The following TCF7L2 variants were observed in gnomAD, a reference collection of about 807,000 sequenced individuals.
TCF7L2 encodes the protein transcription factor 7 like 2.
A neutral mutation model predicts 77.9 loss-of-function variants in TCF7L2; 23 were observed. The ratio of observed to expected loss-of-function variants is 0.30; its 90% CI spans 0.21 to 0.42. TCF7L2 has a LOEUF of 0.42. TCF7L2 is among the 10% of genes least tolerant of loss of function. The probability of loss-of-function intolerance (pLI) is 1.00; values close to 1 mark genes in which losing one functional copy is unlikely to be tolerated. For missense variants in TCF7L2, 654 were observed against 793.1 expected (o/e 0.82, Z 2.11); for synonymous variants, 413 against 340.2 (o/e 1.21, Z -2.36).
intron 5 of TCF7L2, among the ~76,000 whole-genome samples, chr10:113,045,248 G>T (rs770441431): frequency 2.6e-5 from 4 of 152,144 alleles, no homozygotes; most frequent in Admixed American, 2.0e-4. Flanking sequence ...AGACTGTAGC[G>T]CTTCCTATGC....
chr10:113,144,064 A>T (rs2136933702), intron 7 of TCF7L2, 39 bp downstream of exon 7: 7 of 1,498,806 alleles, frequency 4.7e-6, no homozygotes, highest in Non-Finnish European at 4.6e-6. Context: ...TTTGTTTCTT[A>T]CATGGGCATG....
intron 5 of TCF7L2, among the ~76,000 whole-genome samples, chr10:113,076,135 C>CAAAAA (rs34089010): frequency 1.4e-4 from 9 of 65,938 alleles, no homozygotes; most frequent in Non-Finnish European, 1.7e-4. Flanking sequence ...GACTCCATCT[C>CAAAAA]AAAAAAAAAA....
chr10:113,001,509 AT>A (rs541802706), intron 4 of TCF7L2, among the ~76,000 whole-genome samples: 163 of 146,234 alleles, frequency 1.1e-3, no homozygotes, highest in Middle Eastern at 3.6e-3. Flanking sequence ...CATTAAGTGG[AT>A]TTTTTTTTTT....
At chr10:113,082,355 C>T (rs2059398603) in intron 5 of TCF7L2, among the ~76,000 whole-genome samples, 1 of 147,806 alleles carries the variant, frequency 6.8e-6, no homozygotes, top group Non-Finnish European at 1.5e-5. Flanking sequence ...TTATCTTTAC[C>T]CATTTTTCCC....
At chr10:112,993,035 T>A (rs1008336993) in intron 4 of TCF7L2, among the ~76,000 whole-genome samples, 1 of 152,030 alleles carries the variant, frequency 6.6e-6, no homozygotes, top group African/African-American at 2.4e-5. Flanking sequence ...AGTGCTGGGA[T>A]CACAGGCGTG....
At chr10:112,966,413 A>G (rs1185131473) in intron 4 of TCF7L2, among the ~76,000 whole-genome samples, 1 of 151,748 alleles carries the variant, frequency 6.6e-6, no homozygotes, top group Non-Finnish European at 1.5e-5. Context: ...ACAGCATAGT[A>G]AGTCTTGCTC....
At chr10:113,059,034 G>A (rs926362310) in intron 5 of TCF7L2, among the ~76,000 whole-genome samples, 1 of 152,148 alleles carries the variant, frequency 6.6e-6, no homozygotes, top group Non-Finnish European at 1.5e-5. Flanking sequence ...CCCAAAAGGT[G>A]GGAGTGGGGG....
At chr10:113,144,787 T>G (rs1447347270) in intron 7 of TCF7L2, among the ~76,000 whole-genome samples, 1 of 152,162 alleles carries the variant, frequency 6.6e-6, no homozygotes, top group Non-Finnish European at 1.5e-5. Flanking sequence ...TTTTGCAACT[T>G]AAAAAAACTG....
At chr10:113,139,124 T>C (rs1241868136) in intron 5 of TCF7L2, among the ~76,000 whole-genome samples, 1 of 152,194 alleles carries the variant, frequency 6.6e-6, no homozygotes, top group Non-Finnish European at 1.5e-5. Context: ...ACACTCACTT[T>C]AAACTGTCTG....
At chr10:112,964,741 G>A in intron 4 of TCF7L2, 117 bp downstream of exon 4, 1 of 855,834 alleles carries the variant, frequency 1.2e-6, no homozygotes, top group Non-Finnish European at 1.8e-6. Context: ...TGATGATGAT[G>A]GTGGTGGTGG....
At chr10:113,097,646 G>GA (rs869133669) in intron 5 of TCF7L2, among the ~76,000 whole-genome samples, 1,281 of 36,730 alleles carry the variant, frequency 0.035, 133 homozygotes, top group Middle Eastern at 0.062. Flanking sequence ...TCTTGTCTCG[G>GA]AAAAAAAAAA....
chr10:113,037,320 A>C (rs143759801), intron 4 of TCF7L2, among the ~76,000 whole-genome samples: 2 of 152,248 alleles, frequency 1.3e-5, no homozygotes, highest in East Asian at 3.9e-4. Flanking sequence ...TGCACTGGGA[A>C]GGAGAGTTTG....
chr10:112,976,173 C>G lies in TCF7L2; in HGVS notation c.450+11549C>G, dbSNP rs554055553. Among the ~76,000 whole-genome samples, 3 of 152,222 alleles carry G rather than the reference C, an allele frequency of 2.0e-5. No homozygotes were observed. In the East Asian group the frequency reaches 5.8e-4, roughly 29 times the overall value. On this transcript the variant is annotated intron_variant, in intron 4 of 13. Transcript: ENST00000627217. Reference sequence around the variant, plus strand: ...TAAACAAGGTAAGATATATAATGATCTGGGCAGTACGATGATACAGGGAAG... The same window carrying G: ...TAAACAAGGTAAGATATATAATGATGTGGGCAGTACGATGATACAGGGAAG...
intron 5 of TCF7L2, among the ~76,000 whole-genome samples, chr10:113,049,226 A>G (rs913788670): frequency 6.6e-6 from 1 of 151,824 alleles, no homozygotes; most frequent in African/African-American, 2.4e-5. Context: ...TGCCAGATTC[A>G]GCCTCCATTT....
rs2030701330 is a variant in TCF7L2 at position 112,950,617 on chromosome 10, A to C, written c.-140A>C. 2.4e-6 allele frequency: 2 copies of C among 848,056 alleles called. No homozygotes were observed. The highest frequency in any genetic ancestry group is 3.4e-6 in the Non-Finnish European group (2 of 584,230). The allele number at this position is 848,056 out of a possible 1,614,324, so 52.5% of individuals were successfully genotyped here. A position where few individuals can be genotyped will look rare whatever the true frequency, so the allele number is the denominator to read the frequency against. On this transcript the variant is annotated 5_prime_UTR_variant, in exon 1 of 14. Transcript: ENST00000627217. Reference sequence around the variant, plus strand: ...CCTCCCCAGGAGAAAAAGACCCCCAAGCAGAAAAAAGTTCACCTTGGACTC... The same window carrying C: ...CCTCCCCAGGAGAAAAAGACCCCCACGCAGAAAAAAGTTCACCTTGGACTC...
At chr10:113,072,043 TTTTA>T in intron 5 of TCF7L2, among the ~76,000 whole-genome samples, 1 of 143,124 alleles carries the variant, frequency 7.0e-6, no homozygotes, top group Non-Finnish European at 1.6e-5. Flanking sequence ...TTTAATTTTA[TTTTA>T]ATTAATTAAT....
At chr10:112,950,973 GTTTT>G (rs748254797) in intron 1 of TCF7L2, 28 bp downstream of exon 1, 2 of 1,589,876 alleles carry the variant, frequency 1.3e-6, no homozygotes, top group African/African-American at 2.7e-5. Context: ...GGCTGGTGGG[GTTTT>G]TTATCTGTTT....
rs570989328 is a variant in TCF7L2 at position 113,158,589 on chromosome 10, C to T, written c.1318+520C>T. 2.1e-5 allele frequency: 31 copies of T among 1,469,692 alleles called. No individual in the cohort carries two copies. In the South Asian group the frequency reaches 3.6e-4, roughly 17 times the overall value. 91.0% of individuals were successfully genotyped at this position (1,469,692 alleles called of 1,614,324 possible). A position where few individuals can be genotyped will look rare whatever the true frequency, so the allele number is the denominator to read the frequency against. ...ACTGCATAGGCAATCTCAGAGGTCC[C>T]TTGGAGAAGGCCAGGCTTTTACAAA... is the stretch of plus-strand genomic sequence containing the variant. On this transcript the variant is annotated intron_variant, in intron 12 of 13. Transcript: ENST00000627217.
At chr10:113,008,604 T>C (rs2133542256) in intron 4 of TCF7L2, among the ~76,000 whole-genome samples, 1 of 152,380 alleles carries the variant, frequency 6.6e-6, no homozygotes, top group Non-Finnish European at 1.5e-5. Context: ...TTAAACTCAG[T>C]CTCACTGTAA....
Sources: allele counts gnomAD v4.1 joint callset (sites outside exome capture counted in the v4.1 genomes callset), GRCh38; gene constraint gnomAD v4.1.1; transcripts MANE v1.5; gene names NCBI Gene and HGNC (gene_info 2026-07-23, HGNC 2026-07-21).